The following ERCC8 variants were observed in gnomAD, a reference collection of about 807,000 sequenced individuals.
ERCC8 encodes the protein ERCC excision repair 8, CSA ubiquitin ligase complex subunit.
A neutral mutation model predicts 54.9 loss-of-function variants in ERCC8; 52 were observed. The ratio of observed to expected loss-of-function variants is 0.95; its 90% confidence interval spans 0.76 to 1.19. The LOEUF (loss-of-function observed/expected upper bound fraction) is 1.19, where lower values mean the gene tolerates loss of function less well. Ranked by LOEUF, ERCC8 falls within the 50% of genes most tolerant of loss-of-function variation. ERCC8 has a pLI of 0.00. For missense variants in ERCC8, 514 were observed against 466.1 expected, an observed-to-expected ratio of 1.10 and a Z score of -0.95; for synonymous variants, 146 against 157.2, an observed-to-expected ratio of 0.93 and a Z score of 0.53.
chr5:60,870,206 A>C lies in ERCC8; in HGVS notation c.*4409T>G, dbSNP rs1747831561. Among the ~76,000 whole-genome samples, 1 of 152,122 alleles carries C rather than the reference A, an allele frequency of 6.6e-6. No individual in the cohort carries two copies. Among genetic ancestry groups the C allele is most frequent in the South Asian group, 2.1e-4 (1 of 4,830 alleles). On this transcript the variant is annotated 3_prime_UTR_variant, in exon 12 of 12. Transcript: ENST00000676185. ...CCTGAATTAGTAACCTTGAATATCA[A>C]ACACAAACTCTCAAAGTATAGGACA...
chr5:60,925,166 A>C (rs1415985352), intron 2 of ERCC8, among the ~76,000 whole-genome samples: 1 of 152,170 alleles, frequency 6.6e-6, no homozygotes, highest in Non-Finnish European at 1.5e-5. Flanking sequence ...GACTTACAAT[A>C]ATGTTTAAAT....
At chr5:60,906,756 A>AATAC (rs1450164932) in intron 4 of ERCC8, among the ~76,000 whole-genome samples, 2 of 151,722 alleles carry the variant, frequency 1.3e-5, no homozygotes, top group Non-Finnish European at 2.9e-5. Context: ...TAAATAAATA[A>AATAC]ATAAACAAAT....
At chr5:60,889,813 T>A (rs1190548993) in intron 10 of ERCC8, among the ~76,000 whole-genome samples, 1 of 152,210 alleles carries the variant, frequency 6.6e-6, no homozygotes, top group Non-Finnish European at 1.5e-5. Flanking sequence ...GCAAGTCACG[T>A]CACCTCTCTG....
chr5:60,870,699 G>C lies in ERCC8; in HGVS notation c.*3916C>G, dbSNP rs1177095867. ...GGGAAGAAAGGAAGAAACATAGAGA[G>C]GTCAGTTACATGCAATTTTTAGATA... On this transcript the variant is annotated 3_prime_UTR_variant, in exon 12 of 12. Coordinates refer to ENST00000676185, the MANE Select transcript of ERCC8 (RefSeq NM_000082.4). 1.3e-5 allele frequency among the ~76,000 whole-genome samples: 2 copies of C among 150,754 alleles called. No homozygotes were observed. Among genetic ancestry groups the C allele is most frequent in the East Asian group, 3.9e-4 (2 of 5,152 alleles).
chr5:60,922,707 G>A (rs1749635487), intron 2 of ERCC8, among the ~76,000 whole-genome samples: 1 of 152,024 alleles, frequency 6.6e-6, no homozygotes, highest in East Asian at 1.9e-4. Context: ...CTTCTCTTAT[G>A]AATGCATTCA....
chr5:60,918,519 C>A, intron 3 of ERCC8, 131 bp from the exon 4 acceptor site: 1 of 757,538 alleles, frequency 1.3e-6, no homozygotes. Flanking sequence ...TGCCTGTGTC[C>A]AAGCTGTGTA....
At chr5:60,894,908 C>T (rs558229326) in intron 9 of ERCC8, among the ~76,000 whole-genome samples, 9 of 152,246 alleles carry the variant, frequency 5.9e-5, no homozygotes, top group South Asian at 2.1e-4. Flanking sequence ...CGTGGTCTCA[C>T]TCCCGTAATC....
chr5:60,929,351 T>C (rs1286068454), intron 1 of ERCC8, among the ~76,000 whole-genome samples: 1 of 152,032 alleles, frequency 6.6e-6, no homozygotes, highest in Admixed American at 6.6e-5. Context: ...ATCCTAGCGC[T>C]TTGGGAGGCT....
At chr5:60,886,354 T>C (rs972775995) in intron 11 of ERCC8, among the ~76,000 whole-genome samples, 2 of 152,196 alleles carry the variant, frequency 1.3e-5, no homozygotes, top group Non-Finnish European at 1.5e-5. Context: ...CGAAAGGCAC[T>C]GTCAGACTGC....
chr5:60,905,996 G>A (rs1749059378), intron 4 of ERCC8, among the ~76,000 whole-genome samples: 2 of 152,106 alleles, frequency 1.3e-5, no homozygotes, highest in South Asian at 4.2e-4. Context: ...AGGGGCAGTT[G>A]GCAGGTCCAG....
chr5:60,926,973 A>C lies in ERCC8; in HGVS notation c.173+1891T>G, dbSNP rs191606189. ...TCTGATGGCACTGACATTAACTATG[A>C]GATACTTTTTGCTGATAGAGTATGA... On this transcript the variant is annotated intron_variant, in intron 2 of 11. Transcript: ENST00000676185. 6.9e-3 allele frequency among the ~76,000 whole-genome samples: 1,054 copies of C among 152,334 alleles called. 8 individuals are homozygous for C. Among genetic ancestry groups the C allele is most frequent in the Non-Finnish European group, 0.01 (684 of 68,038 alleles).
At chr5:60,942,472 A>T (rs1357305309) in intron 1 of ERCC8, among the ~76,000 whole-genome samples, 1 of 152,236 alleles carries the variant, frequency 6.6e-6, no homozygotes, top group East Asian at 1.9e-4. Context: ...AGCAAAAAAA[A>T]GGAATTGATA....
intron 9 of ERCC8, among the ~76,000 whole-genome samples, chr5:60,894,787 G>A (rs1183137665): frequency 6.6e-6 from 1 of 152,140 alleles, no homozygotes; most frequent in East Asian, 1.9e-4. Context: ...TAAGCTTGGG[G>A]TGAGTGTAAA....
Position 60,927,841 on chromosome 5 carries a change from A to T in ERCC8, c.173+1023T>A, listed in dbSNP as rs532234360. Among the ~76,000 whole-genome samples, 325 of 152,356 alleles carry T rather than the reference A, an allele frequency of 2.1e-3. 1 individual carries two copies. Among genetic ancestry groups the T allele is most frequent in the African/African-American group, 7.5e-3 (312 of 41,590 alleles). ...CATCTTTTAGATTTAACCACATGCT[A>T]AAGTAAGATGTTTCTCATATACTAG... On this transcript the variant is annotated intron_variant, in intron 2 of 11. Coordinates refer to ENST00000676185, the MANE Select transcript of ERCC8 (RefSeq NM_000082.4).
chr5:60,886,779 T>C (rs1187977688), intron 11 of ERCC8, among the ~76,000 whole-genome samples: 2 of 151,532 alleles, frequency 1.3e-5, no homozygotes, highest in African/African-American at 2.4e-5. Flanking sequence ...AAGTGATATA[T>C]AATAATTTAA....
At chr5:60,883,479 A>T (rs1213973611) in intron 11 of ERCC8, among the ~76,000 whole-genome samples, 1 of 152,172 alleles carries the variant, frequency 6.6e-6, no homozygotes, top group African/African-American at 2.4e-5. Flanking sequence ...TGTCAATTCT[A>T]CTGACAGATA....
chr5:60,891,135 A>C (rs765096023), intron 9 of ERCC8, 49 bp from the exon 10 acceptor site: 6 of 1,243,574 alleles, frequency 4.8e-6, no homozygotes, highest in East Asian at 2.3e-5. Context: ...TCTGAATTTA[A>C]AACACAACAA....
chr5:60,935,238 G>T (rs760625492), intron 1 of ERCC8, among the ~76,000 whole-genome samples: 10 of 152,052 alleles, frequency 6.6e-5, no homozygotes, highest in Non-Finnish European at 1.5e-4. Context: ...GTCTTGTAGA[G>T]GTCTTTTACC....
chr5:60,905,015 C>A, intron 4 of ERCC8, 142 bp from the exon 5 acceptor site: 1 of 465,084 alleles, frequency 2.2e-6, no homozygotes, highest in Non-Finnish European at 4.0e-6. Context: ...AATGTAATAC[C>A]CCAAAAAACC....
Sources: allele counts gnomAD v4.1 joint callset (sites outside exome capture counted in the v4.1 genomes callset), GRCh38; gene constraint gnomAD v4.1.1; transcripts MANE v1.5; gene names NCBI Gene and HGNC (gene_info 2026-07-23, HGNC 2026-07-21).